Variants in OLA1 observed in about 807,000 individuals in gnomAD.
OLA1 encodes the protein obg-like ATPase 1.
OLA1 carries 14 observed loss-of-function variants against 48.4 expected under a neutral mutation model. The ratio of observed to expected loss-of-function variants is 0.29; its 90% CI spans 0.19 to 0.45. OLA1 has a LOEUF of 0.45. Among genes scored for constraint, OLA1 ranks in the 20% least tolerant of loss-of-function variants. OLA1 has a pLI of 1.00. For synonymous variants in OLA1, 127 were observed against 150.4 expected, an observed-to-expected ratio of 0.84 and a Z score of 1.14; for missense variants, 325 against 467.1, an observed-to-expected ratio of 0.70 and a Z score of 2.80.
chr2:174,089,970 CA>C (rs1685077218), intron 7 of OLA1, among the ~76,000 whole-genome samples: 1 of 148,452 alleles, frequency 6.7e-6, no homozygotes, highest in East Asian at 2.0e-4. Flanking sequence ...CCTGGGGAAA[CA>C]TCTGTAGTAA....
At chr2:174,248,083 C>T in intron 1 of OLA1, 1 of 242,174 alleles carries the variant, frequency 4.1e-6, no homozygotes, top group South Asian at 6.6e-5. Context: ...CTGTTCCTGG[C>T]CAACTCCCAG....
chr2:174,141,743 T>C (rs1284434802), intron 5 of OLA1, 82 bp downstream of exon 5: 2 of 995,932 alleles, frequency 2.0e-6, no homozygotes, highest in Non-Finnish European at 3.0e-6. Flanking sequence ...CAATATTAGA[T>C]GTATCATATG....
At chr2:174,113,680 C>T (rs1328095940) in intron 7 of OLA1, among the ~76,000 whole-genome samples, 1 of 152,122 alleles carries the variant, frequency 6.6e-6, no homozygotes, top group African/African-American at 2.4e-5. Flanking sequence ...GGAGATTAAA[C>T]TTTCTGAGAT....
intron 4 of OLA1, among the ~76,000 whole-genome samples, chr2:174,210,530 A>G (rs2105440378): frequency 6.6e-6 from 1 of 152,264 alleles, no homozygotes; most frequent in South Asian, 2.1e-4. Flanking sequence ...AAAACTGTCT[A>G]CTCATAAGGT....
chr2:174,205,213 CAATT>C (rs1688082475), intron 4 of OLA1, among the ~76,000 whole-genome samples: 4 of 152,048 alleles, frequency 2.6e-5, no homozygotes, highest in African/African-American at 9.7e-5. Flanking sequence ...AAAATAATTT[CAATT>C]TAGAGTTCTT....
intron 2 of OLA1, among the ~76,000 whole-genome samples, chr2:174,243,776 T>C (rs1045292838): frequency 8.5e-5 from 13 of 152,204 alleles, no homozygotes; most frequent in Admixed American, 1.3e-4. Flanking sequence ...CTATAAATAT[T>C]ACCTCTAAGT....
intron 7 of OLA1, among the ~76,000 whole-genome samples, chr2:174,085,408 C>T (rs1057375172): frequency 1.3e-5 from 2 of 152,162 alleles, no homozygotes; most frequent in Admixed American, 6.5e-5. Context: ...GTGAATTGCA[C>T]GTGCAAGGGA....
chr2:174,081,611 T>A (rs962832483), intron 8 of OLA1, among the ~76,000 whole-genome samples: 2 of 151,934 alleles, frequency 1.3e-5, no homozygotes, highest in East Asian at 1.9e-4. Context: ...TCAGAAAAAA[T>A]TATGGCAACT....
chr2:174,236,568 C>G (rs1327188920), intron 2 of OLA1, among the ~76,000 whole-genome samples: 1 of 152,094 alleles, frequency 6.6e-6, no homozygotes, highest in African/African-American at 2.4e-5. Context: ...GCATTTACAG[C>G]CATACATCGC....
At chr2:174,186,824 C>T (rs1402642078) in intron 4 of OLA1, among the ~76,000 whole-genome samples, 3 of 152,154 alleles carry the variant, frequency 2.0e-5, no homozygotes, top group Admixed American at 6.5e-5. Context: ...AACTGGACAG[C>T]GGGGTAAGTG....
chr2:174,147,543 A>G (rs1574509272), intron 4 of OLA1, among the ~76,000 whole-genome samples: 1 of 152,228 alleles, frequency 6.6e-6, no homozygotes, highest in South Asian at 2.1e-4. Flanking sequence ...TAAAAAAACC[A>G]TACTTGAGGT....
intron 7 of OLA1, among the ~76,000 whole-genome samples, chr2:174,096,250 A>G (rs1216896642): frequency 6.6e-6 from 1 of 152,202 alleles, no homozygotes; most frequent in African/African-American, 2.4e-5. Context: ...AAAGTAGGTT[A>G]GTGGTTACCA....
intron 3 of OLA1, among the ~76,000 whole-genome samples, chr2:174,225,088 C>T (rs1275367976): frequency 6.6e-6 from 1 of 152,040 alleles, no homozygotes; most frequent in East Asian, 1.9e-4. Flanking sequence ...GGGGTGGATC[C>T]CTCATGAATG....
At chr2:174,097,739 A>T (rs1216334228) in intron 7 of OLA1, among the ~76,000 whole-genome samples, 1 of 152,140 alleles carries the variant, frequency 6.6e-6, no homozygotes, top group Non-Finnish European at 1.5e-5. Flanking sequence ...AGAAAAAAAA[A>T]AAAAGAAAGT....
chr2:174,237,998 G>A (rs528976966), intron 2 of OLA1, among the ~76,000 whole-genome samples: 4 of 152,202 alleles, frequency 2.6e-5, no homozygotes, highest in South Asian at 4.1e-4. Context: ...TGGGACCTCC[G>A]TCATATATGC....
At chr2:174,131,797 G>A (rs189113473) in intron 5 of OLA1, among the ~76,000 whole-genome samples, 402 of 152,134 alleles carry the variant, frequency 2.6e-3, no homozygotes, top group African/African-American at 8.7e-3. Flanking sequence ...TTCTTTGTTA[G>A]ATGCTGCAAA....
At chr2:174,151,808 C>T (rs908499775) in intron 4 of OLA1, among the ~76,000 whole-genome samples, 8 of 152,126 alleles carry the variant, frequency 5.3e-5, no homozygotes, top group Middle Eastern at 6.8e-3. Context: ...ATTTATTTTC[C>T]ATAAATGACA....
intron 4 of OLA1, among the ~76,000 whole-genome samples, chr2:174,222,644 T>C (rs1364016101): frequency 6.6e-6 from 1 of 152,182 alleles, no homozygotes. Flanking sequence ...TCTCTGTTGT[T>C]AAATAATCAG....
At chr2:174,131,275 T>C (rs1686174099) in intron 5 of OLA1, among the ~76,000 whole-genome samples, 1 of 152,180 alleles carries the variant, frequency 6.6e-6, no homozygotes, top group Non-Finnish European at 1.5e-5. Flanking sequence ...AATTCATCCA[T>C]GTCATTCCAT....
Sources: gnomAD v4.1 joint callset for allele counts (sites outside exome capture counted in the v4.1 genomes callset) on GRCh38, gnomAD v4.1.1 for gene constraint, MANE v1.5 for transcripts, NCBI Gene and HGNC (gene_info 2026-07-23, HGNC 2026-07-21) for gene names.